CLSTN1: variants seen among roughly 807,000 people sequenced by gnomAD.
CLSTN1 encodes the protein calsyntenin 1.
In CLSTN1, 28 loss-of-function variants were observed where a neutral mutation model predicts 108.3. The observed-to-expected ratio is 0.26, with a 90% CI of 0.19 to 0.35. The LOEUF (loss-of-function observed/expected upper bound fraction) is 0.35, where lower values mean the gene tolerates loss of function less well. CLSTN1 is among the 10% of genes least tolerant of loss of function. The probability of loss-of-function intolerance (pLI) is 1.00; values close to 1 mark genes in which losing one functional copy is unlikely to be tolerated. For missense variants in CLSTN1, 1,157 were observed against 1,302.6 expected, an observed-to-expected ratio of 0.89 and a Z score of 1.72; for synonymous variants, 524 against 534.9, an observed-to-expected ratio of 0.98 and a Z score of 0.28.
At chr1:9,796,060 G>C (rs1158737484) in intron 1 of CLSTN1, among the ~76,000 whole-genome samples, 1 of 150,872 alleles carries the variant, frequency 6.6e-6, no homozygotes, top group Non-Finnish European at 1.5e-5. Context: ...TCAGGAGTTT[G>C]AGACCAGCCT....
In CLSTN1 at chr1:9,736,028, T is replaced by C. The variant is rs373606260; in HGVS notation, c.1591A>G (p.Met531Val). 1.4e-5 allele frequency: 22 copies of C among 1,614,118 alleles called. No homozygotes were observed. In the Admixed American group the frequency reaches 1.5e-4, roughly 11 times the overall value. ...TVASAGGDLHMTQFFRGNLAG... is the reference protein window; with the variant it reads ...TVASAGGDLHVTQFFRGNLAG... Reference sequence around the variant, plus strand: ...AGATTGCCTCGGAAAAACTGGGTCATGTGCAGGTCGCCACCTTTGGGTCAG... The same window carrying C: ...AGATTGCCTCGGAAAAACTGGGTCACGTGCAGGTCGCCACCTTTGGGTCAG... Residue 531 changes from methionine (M) to valine (V), a missense_variant, in exon 12 of 19, where the codon ATG becomes GTG. Met to Val is a conservative substitution (Grantham distance 21, BLOSUM62 1). Coordinates refer to ENST00000377298, the MANE Select transcript of CLSTN1 (RefSeq NM_001009566.3).
intron 1 of CLSTN1, among the ~76,000 whole-genome samples, chr1:9,788,202 G>A (rs1444054174): frequency 6.6e-6 from 1 of 151,566 alleles, no homozygotes; most frequent in South Asian, 2.2e-4. Context: ...GCTGCAGTAC[G>A]CCAAGATGGT....
chr1:9,759,202 C>T (rs1651953151), intron 2 of CLSTN1, among the ~76,000 whole-genome samples: 1 of 152,184 alleles, frequency 6.6e-6, no homozygotes, highest in Non-Finnish European at 1.5e-5. Context: ...AGAGCCCACA[C>T]ACTAAAAACA....
chr1:9,806,712 T>C (rs770273836), intron 1 of CLSTN1, among the ~76,000 whole-genome samples: 6 of 151,980 alleles, frequency 3.9e-5, no homozygotes, highest in Non-Finnish European at 7.4e-5. Flanking sequence ...ACCCTGTCTC[T>C]ACTAAAAATA....
rs1395393883 is a variant in CLSTN1 at position 9,743,912 on chromosome 1, G to C, written c.1328C>G (p.Pro443Arg). The C allele has an allele frequency of 6.2e-7, 1 of 1,614,072 alleles. No homozygotes were observed. The highest frequency in any genetic ancestry group is 8.5e-7 in the Non-Finnish European group (1 of 1,180,028). Reference protein sequence around the residue: ...QDPSEEKKYRPAEFHWKLNQV... With the variant: ...QDPSEEKKYRRAEFHWKLNQV... ...ATTCAACTTCCAGTGGAACTCTGCA[G>C]GTCTGTATTTCTTCTCCTCAGAAGG... Residue 443 changes from proline to arginine, a missense_variant, in exon 9 of 19, where the codon CCT (proline) becomes CGT (arginine). Transcript: ENST00000377298.
At chr1:9,786,847 C>T (rs916316543) in intron 1 of CLSTN1, among the ~76,000 whole-genome samples, 7 of 151,308 alleles carry the variant, frequency 4.6e-5, no homozygotes, top group African/African-American at 1.7e-4. Context: ...GAGCGCAAGG[C>T]ATGCATGGTG....
rs1355004105 is a variant in CLSTN1, at chr1:9,734,952, G to A, written c.2106C>T (p.Pro702=). The change falls in exon 14 of 19, where the codon CCC becomes CCT. Residue 702 remains proline (P), a synonymous_variant. Transcript: ENST00000377298. This position sits in a 1 kb window ranked among gnomAD's most constrained non-coding sequence, Gnocchi z 4.8. The part of the protein sequence containing the change: ...VEPEGDGAED[P]TVQESLVSEE... ...GCGCCCCACAGAGCACATTACCTGT[G>A]GGGTCCTCAGCCCCGTCCCCTTCAG... The A allele has an allele frequency of 6.2e-7, 1 of 1,613,922 alleles. No homozygotes were observed. The highest frequency in any genetic ancestry group is 1.1e-5 in the South Asian group (1 of 91,050).
chr1:9,750,160 T>C lies in CLSTN1; in HGVS notation c.650-247A>G, dbSNP rs138359426. On this transcript the variant is annotated intron_variant, in intron 5 of 18. Transcript: ENST00000377298. The stretch of plus-strand genomic sequence containing the variant: ...GCTCAGTCTCCACTTACTCTCACAG[T>C]GTTACATTGGGCTTTACATTAAGAT... The C allele has an allele frequency of 4.1e-4, 166 of 400,500 alleles. 1 individual carries two copies. The highest frequency in any genetic ancestry group is 3.2e-3 in the African/African-American group (159 of 50,198). 24.8% of individuals were successfully genotyped at this position (400,500 alleles called of 1,614,324 possible). A position where few individuals can be genotyped will look rare whatever the true frequency, so the allele number is the denominator to read the frequency against.
intron 2 of CLSTN1, among the ~76,000 whole-genome samples, chr1:9,757,067 C>G (rs1260801425): frequency 6.6e-6 from 1 of 151,548 alleles, no homozygotes; most frequent in Non-Finnish European, 1.5e-5. Flanking sequence ...AGTGAGCCCC[C>G]GTGCCCGGCA....
chr1:9,767,087 T>C (rs951136633), intron 2 of CLSTN1, among the ~76,000 whole-genome samples: 4 of 152,200 alleles, frequency 2.6e-5, no homozygotes, highest in African/African-American at 4.8e-5. Flanking sequence ...CTCCTCCCTC[T>C]ACAAATATCT....
In CLSTN1 at chr1:9,735,940, G is replaced by T; in HGVS notation, c.1679C>A (p.Thr560Asn). ...ADKKVIDCLY[T>N]CKEGLDLQVL... is the part of the protein sequence containing the mutation. The stretch of plus-strand genomic sequence containing the variant: ...CTGCAGGTCCAGCCCCTCCTTGCAG[G>T]TATACAGACAGTCGATCACCTTCTT... Residue 560 changes from threonine to asparagine, a missense_variant, in exon 12 of 19, where the codon ACC (threonine) becomes AAC (asparagine). By Grantham distance (65) the Thr-to-Asn change is moderately conservative. Transcript: ENST00000377298. The T allele has an allele frequency of 1.9e-6, 3 of 1,614,192 alleles. No individual in the cohort carries two copies. The highest frequency in any genetic ancestry group is 2.5e-6 in the Non-Finnish European group (3 of 1,180,042).
At chr1:9,771,607 G>A (rs570997156) in intron 2 of CLSTN1, among the ~76,000 whole-genome samples, 1 of 151,924 alleles carries the variant, frequency 6.6e-6, no homozygotes, top group East Asian at 1.9e-4. Context: ...GAGCAAGACT[G>A]TTTCAGGAGA....
Position 9,730,014 on chromosome 1 carries a change from T to C in CLSTN1, c.*494A>G, listed in dbSNP as rs1477910476. 6.1e-6 allele frequency: 1 copy of C among 162,980 alleles called. No homozygotes were observed. 10.1% of individuals were successfully genotyped at this position (162,980 alleles called of 1,614,324 possible). A position where few individuals can be genotyped will look rare whatever the true frequency, so the allele number is the denominator to read the frequency against. ...AGGAATCCGATTTATTTACAAAATA[T>C]TAAAAAGTCAGTTAATCATCTACAC... On this transcript the variant is annotated 3_prime_UTR_variant, in exon 19 of 19. Transcript: ENST00000377298. The surrounding 1 kb of genome is among the most constrained non-coding windows in gnomAD (Gnocchi z 5.6).
chr1:9,731,431 C>T, intron 17 of CLSTN1, 41 bp from the exon 18 acceptor site: 1 of 1,600,138 alleles, frequency 6.2e-7, no homozygotes, highest in Non-Finnish European at 8.5e-7. Context: ...GTCACTCGGC[C>T]CAGAAGGCCA....
chr1:9,731,726 A>G, intron 17 of CLSTN1, 35 bp downstream of exon 17: 1 of 1,612,644 alleles, frequency 6.2e-7, no homozygotes. Context: ...GACGGCATGG[A>G]GCATCTCCGC....
At chr1:9,791,758 T>A (rs527512622) in intron 1 of CLSTN1, among the ~76,000 whole-genome samples, 30 of 151,026 alleles carry the variant, frequency 2.0e-4, no homozygotes, top group African/African-American at 6.0e-4. Flanking sequence ...GGTCTTGAAC[T>A]CCTGACCTTA....
At chr1:9,805,323 A>G (rs1654458849) in intron 1 of CLSTN1, among the ~76,000 whole-genome samples, 1 of 152,184 alleles carries the variant, frequency 6.6e-6, no homozygotes, top group African/African-American at 2.4e-5. Flanking sequence ...ACTGCCCTAG[A>G]GCAGCAGTTA....
At position 9,747,768 on chromosome 1, in the gene CLSTN1, G is replaced by A. The variant is rs565295089; in HGVS notation, c.985+1693C>T. 1.7e-3 allele frequency among the ~76,000 whole-genome samples: 262 copies of A among 152,236 alleles called. 1 individual carries two copies. The highest frequency in any genetic ancestry group is 6.0e-3 in the African/African-American group (250 of 41,542). On this transcript the variant is annotated intron_variant, in intron 7 of 18. Coordinates refer to ENST00000377298, the MANE Select transcript of CLSTN1 (RefSeq NM_001009566.3). ...AATTTTCAATTATAAACCAGTGGCC[G>A]GGCGCGGTGGCTCATGCCTGCAATC...
In CLSTN1 at chr1:9,741,146, C is replaced by T. The variant is rs778981522; in HGVS notation, c.1467G>A (p.Pro489=). 1.4e-5 allele frequency: 22 copies of T among 1,613,950 alleles called. No homozygotes were observed. The highest frequency in any genetic ancestry group is 1.7e-5 in the Non-Finnish European group (20 of 1,179,986). Residue 489 remains proline (P), a synonymous_variant, in exon 10 of 19, where the codon CCG becomes CCA. Transcript: ENST00000377298. ...HEPFSVTEDY[P]LHPSKIETQL... is the part of the protein sequence containing the mutation. ...GAGTTTCTATCTTGGATGGATGGAG[C>T]GGGTAATCCTCAGTCACAGAGAAGG...
Sources: gnomAD v4.1 joint callset for allele counts (sites outside exome capture counted in the v4.1 genomes callset) on GRCh38, gnomAD v4.1.1 for gene constraint, Gnocchi (gnomAD v3.1) non-coding constraint, MANE v1.5 for transcripts, NCBI Gene and HGNC (gene_info 2026-07-23, HGNC 2026-07-21) for gene names.